The following POC5 variants were observed in gnomAD, a reference collection of about 807,000 sequenced individuals.
The protein encoded by POC5 is centrosomal protein POC5.
Under a neutral mutation model 62.9 loss-of-function variants are expected in POC5, and 48 were observed. That is an observed-to-expected ratio of 0.76 (90% CI 0.61 to 0.97). The LOEUF (loss-of-function observed/expected upper bound fraction) is 0.97. POC5 is among the 50% of genes least tolerant of loss of function. The probability of loss-of-function intolerance (pLI) is 0.00; values close to 1 mark genes in which losing one functional copy is unlikely to be tolerated. For missense variants in POC5, 696 were observed against 679.5 expected, an observed-to-expected ratio of 1.02 and a Z score of -0.27; for synonymous variants, 236 against 228.2, an observed-to-expected ratio of 1.03 and a Z score of -0.31.
Position 75,676,763 on chromosome 5 carries a change from A to G in POC5, c.1584+1011T>C, listed in dbSNP as rs779485015. Among the ~76,000 whole-genome samples the G allele has an allele frequency of 6.6e-4, 100 of 151,978 alleles. 1 individual carries two copies. The highest frequency in any genetic ancestry group is 1.4e-3 in the Non-Finnish European group (93 of 67,990). On this transcript the variant is annotated intron_variant, in intron 11 of 11. Coordinates refer to ENST00000428202, the MANE Select transcript of POC5 (RefSeq NM_001099271.2). The stretch of plus-strand genomic sequence containing the variant: ...TTTGAACCCAGGGGGCGGAGATTGC[A>G]GTGCGCCAACATTGCGCCATTGCAC...
At chr5:75,707,290 T>C (rs1324555868) in intron 3 of POC5, among the ~76,000 whole-genome samples, 1 of 152,222 alleles carries the variant, frequency 6.6e-6, no homozygotes, top group Non-Finnish European at 1.5e-5. Flanking sequence ...TTGTGATAAT[T>C]ATTCAAACAG....
At chr5:75,703,099 A>C (rs1238422390) in intron 4 of POC5, among the ~76,000 whole-genome samples, 3 of 152,208 alleles carry the variant, frequency 2.0e-5, no homozygotes, top group Non-Finnish European at 4.4e-5. Flanking sequence ...CTGAGGTGAA[A>C]CTATCATCAT....
chr5:75,715,170 C>T (rs1358773046), intron 1 of POC5, among the ~76,000 whole-genome samples: 2 of 151,874 alleles, frequency 1.3e-5, no homozygotes, highest in African/African-American at 2.4e-5. Flanking sequence ...ATTAGCCTGG[C>T]GTGGTGGTGG....
intron 4 of POC5, among the ~76,000 whole-genome samples, chr5:75,703,763 A>T (rs543243351): frequency 1.1e-4 from 17 of 152,184 alleles, no homozygotes; most frequent in Non-Finnish European, 1.8e-4. Context: ...ACACATCTCT[A>T]TATGTATGTG....
Position 75,690,424 on chromosome 5 carries a change from A to C in POC5, c.934T>G (p.Cys312Gly), listed in dbSNP as rs1776278826. 8 of 1,612,222 alleles carry C rather than the reference A, an allele frequency of 5.0e-6. No individual in the cohort carries two copies. The highest frequency in any genetic ancestry group is 6.8e-6 in the Non-Finnish European group (8 of 1,179,238). The change falls in exon 8 of 12, where the codon TGT becomes GGT. Residue 312 changes from cysteine to glycine, a missense_variant. Physicochemically the swap from Cys to Gly is radical, Grantham distance 159. Coordinates refer to ENST00000428202, the MANE Select transcript of POC5 (RefSeq NM_001099271.2). ...RACQARAEEV[C>G]IQISNDYEAK... ...TCATAATCATTGGAAATCTGGATAC[A>C]AACTTCTTCAGCTCTTGCTTGACAA...
chr5:75,691,208 T>A (rs1043468952), intron 7 of POC5, among the ~76,000 whole-genome samples: 4 of 152,352 alleles, frequency 2.6e-5, no homozygotes, highest in South Asian at 4.1e-4. Context: ...GTATTCTCAT[T>A]ATTTCACTTG....
Position 75,710,138 on chromosome 5 carries a change from G to T in POC5, c.85-2263C>A, listed in dbSNP as rs1053956926. Among the ~76,000 whole-genome samples the T allele has an allele frequency of 2.6e-5, 4 of 152,324 alleles. No homozygotes were observed. The East Asian group carries it at 7.7e-4, about 29-fold the overall frequency. ...TCAACAGCTCATGGTACAGCAAAAAGAGAGAAGGGATTGGGTCCTCAGATG... is the reference window on the plus strand; with the variant it reads ...TCAACAGCTCATGGTACAGCAAAAATAGAGAAGGGATTGGGTCCTCAGATG... On this transcript the variant is annotated intron_variant, in intron 2 of 11. Coordinates refer to ENST00000428202, the MANE Select transcript of POC5 (RefSeq NM_001099271.2).
chr5:75,690,330 A>G, intron 8 of POC5, 53 bp downstream of exon 8: 2 of 1,456,848 alleles, frequency 1.4e-6, no homozygotes, highest in South Asian at 1.4e-5. Flanking sequence ...TAGTGAGTCT[A>G]TCTATCTTTT....
chr5:75,715,742 G>A (rs936550244), intron 1 of POC5, among the ~76,000 whole-genome samples: 2 of 152,106 alleles, frequency 1.3e-5, no homozygotes, highest in Admixed American at 1.3e-4. Context: ...TTAAATATGC[G>A]TTCAGAGGGG....
intron 2 of POC5, chr5:75,709,635 G>T (rs1777262997): frequency 6.6e-6 from 1 of 151,992 alleles, no homozygotes; most frequent in East Asian, 1.9e-4. Flanking sequence ...AAGTAACTAT[G>T]ATTATTTAAA....
chr5:75,711,523 A>T (rs1777342770), intron 2 of POC5, among the ~76,000 whole-genome samples: 1 of 152,200 alleles, frequency 6.6e-6, no homozygotes, highest in South Asian at 2.1e-4. Flanking sequence ...CTTTTGTATT[A>T]AATGTTTGGA....
Position 75,692,205 on chromosome 5 carries a change from T to C in POC5, c.795+191A>G, listed in dbSNP as rs138716184. Among the ~76,000 whole-genome samples the C allele has an allele frequency of 2.8e-4, 42 of 152,286 alleles. No homozygotes were observed. In the East Asian group the frequency reaches 6.7e-3, roughly 24 times the overall value. ...TGATGTATCTATTGTAATATATATA[T>C]ATTATATGTCAATAAGATCTAAACT... is the stretch of plus-strand genomic sequence containing the variant. On this transcript the variant is annotated intron_variant, in intron 7 of 11. Coordinates refer to ENST00000428202, the MANE Select transcript of POC5 (RefSeq NM_001099271.2).
At chr5:75,686,539 G>A (rs182202303) in intron 9 of POC5, among the ~76,000 whole-genome samples, 82 of 152,276 alleles carry the variant, frequency 5.4e-4, no homozygotes, top group Admixed American at 1.2e-3. Context: ...TCTGATGAAA[G>A]GGACTAATTC....
intron 10 of POC5, among the ~76,000 whole-genome samples, chr5:75,684,450 C>CT (rs1256333578): frequency 2.3e-5 from 2 of 85,182 alleles, no homozygotes; most frequent in South Asian, 4.6e-4. Context: ...ACTGCAACTT[C>CT]GCCTCCGGGG....
At chr5:75,716,391 G>C (rs112017747) in intron 1 of POC5, among the ~76,000 whole-genome samples, 1 of 86,988 alleles carries the variant, frequency 1.1e-5, no homozygotes, top group African/African-American at 5.6e-5. Flanking sequence ...GGTGGGGGGG[G>C]GGGGGTGCTG....
chr5:75,705,756 T>C lies in POC5; in HGVS notation c.255A>G (p.Ile85Met). The C allele has an allele frequency of 6.4e-7, 1 of 1,555,200 alleles. No individual in the cohort carries two copies. The highest frequency in any genetic ancestry group is 8.7e-7 in the Non-Finnish European group (1 of 1,150,288). ...GGAAATCACATCCTTTTCCAACTTC[T>C]ATTGCAGTTTCTCTTACTTCAGAGT... ...GNNSEVRETAIEVGKGCDFHI... is the reference protein window; with the variant it reads ...GNNSEVRETAMEVGKGCDFHI... Residue 85 changes from isoleucine to methionine, a missense_variant, in exon 4 of 12, where the codon ATA becomes ATG. Ile to Met is a conservative substitution (Grantham distance 10). Transcript: ENST00000428202.
intron 3 of POC5, among the ~76,000 whole-genome samples, chr5:75,706,825 A>G (rs1777140341): frequency 6.6e-6 from 1 of 152,180 alleles, no homozygotes; most frequent in Non-Finnish European, 1.5e-5. Flanking sequence ...TACTGGCATT[A>G]CAAGCATGAG....
At chr5:75,714,275 G>A (rs904044466) in intron 1 of POC5, among the ~76,000 whole-genome samples, 1 of 152,114 alleles carries the variant, frequency 6.6e-6, no homozygotes, top group Non-Finnish European at 1.5e-5. Context: ...CCAGCTACTT[G>A]GGAGGCTGAG....
intron 1 of POC5, among the ~76,000 whole-genome samples, chr5:75,714,487 T>G (rs1450881120): frequency 6.6e-6 from 1 of 152,028 alleles, no homozygotes; most frequent in South Asian, 2.1e-4. Flanking sequence ...GTCTAGGAAG[T>G]AGCAATGGGA....
Sources: allele counts gnomAD v4.1 joint callset (sites outside exome capture counted in the v4.1 genomes callset), GRCh38; gene constraint gnomAD v4.1.1; transcripts MANE v1.5; gene names NCBI Gene and HGNC (gene_info 2026-07-23, HGNC 2026-07-21).